The following CADM2 variants were observed in gnomAD, a reference collection of about 807,000 sequenced individuals.
The protein encoded by CADM2 is immunoglobulin superfamily member 4D.
Under a neutral mutation model 49.8 loss-of-function variants are expected in CADM2, and 12 were observed. That is an observed-to-expected ratio of 0.24 (90% confidence interval 0.15 to 0.39). The LOEUF (loss-of-function observed/expected upper bound fraction) is 0.39. Among genes scored for constraint, CADM2 ranks in the 10% least tolerant of loss-of-function variants. The pLI is 1.00. For synonymous variants in CADM2, 214 were observed against 175.4 expected (o/e 1.22, Z -1.74); for missense variants, 378 against 492.3 (o/e 0.77, Z 2.20).
chr3:85,862,409 GA>G (rs1159733603), intron 3 of CADM2, among the ~76,000 whole-genome samples: 1 of 152,064 alleles, frequency 6.6e-6, no homozygotes, highest in Non-Finnish European at 1.5e-5. Flanking sequence ...CCATTGAAAT[GA>G]AAATCTTAGG....
At chr3:84,975,381 T>G (rs981768395) in intron 1 of CADM2, among the ~76,000 whole-genome samples, 4 of 151,792 alleles carry the variant, frequency 2.6e-5, no homozygotes, top group Non-Finnish European at 5.9e-5. Context: ...TATAAGGGAT[T>G]GCATTTTTTT....
chr3:85,470,176 T>G (rs1057145505), intron 1 of CADM2, among the ~76,000 whole-genome samples: 2 of 152,202 alleles, frequency 1.3e-5, no homozygotes, highest in Non-Finnish European at 2.9e-5. Flanking sequence ...TAACAGTGCT[T>G]TTGGAGAACT....
intron 8 of CADM2, among the ~76,000 whole-genome samples, chr3:86,046,623 G>C (rs1464849586): frequency 1.3e-5 from 2 of 152,056 alleles, no homozygotes; most frequent in African/African-American, 2.4e-5. Flanking sequence ...CCAAGCTCAA[G>C]AAATGTCAGT....
chr3:85,920,273 A>G (rs1392753090), intron 6 of CADM2, among the ~76,000 whole-genome samples: 1 of 151,892 alleles, frequency 6.6e-6, no homozygotes. Flanking sequence ...CACAAATTAT[A>G]TATAGCATAA....
intron 3 of CADM2, among the ~76,000 whole-genome samples, chr3:85,830,726 A>C (rs2074145308): frequency 6.6e-6 from 1 of 151,456 alleles, no homozygotes; most frequent in Non-Finnish European, 1.5e-5. Flanking sequence ...TTTGCATGCT[A>C]ATATCCAGTT....
At chr3:85,444,291 T>A (rs2037344801) in intron 1 of CADM2, among the ~76,000 whole-genome samples, 1 of 152,100 alleles carries the variant, frequency 6.6e-6, no homozygotes, top group African/African-American at 2.4e-5. Flanking sequence ...AGTAACTTGT[T>A]TCCTTGCTTA....
At chr3:85,406,385 G>A (rs994501560) in intron 1 of CADM2, among the ~76,000 whole-genome samples, 26 of 151,938 alleles carry the variant, frequency 1.7e-4, no homozygotes, top group Admixed American at 3.3e-4. Context: ...TTACAGAGCC[G>A]TTGCTATACA....
intron 1 of CADM2, among the ~76,000 whole-genome samples, chr3:85,085,438 A>G (rs747156245): frequency 3.9e-5 from 6 of 151,952 alleles, no homozygotes; most frequent in Non-Finnish European, 7.4e-5. Flanking sequence ...ATATATGTAT[A>G]TGTATTACAT....
At chr3:86,000,469 T>C (rs1379911383) in intron 8 of CADM2, among the ~76,000 whole-genome samples, 3 of 152,136 alleles carry the variant, frequency 2.0e-5, no homozygotes, top group Non-Finnish European at 2.9e-5. Context: ...AATGTTTTTA[T>C]AGGAAGGTGA....
At chr3:85,819,380 C>T (rs903765270) in intron 3 of CADM2, among the ~76,000 whole-genome samples, 5 of 152,098 alleles carry the variant, frequency 3.3e-5, no homozygotes, top group African/African-American at 1.2e-4. Flanking sequence ...TTGCATCCTT[C>T]AATCCAATCA....
chr3:85,175,795 G>A (rs1235010065), intron 1 of CADM2, among the ~76,000 whole-genome samples: 2 of 151,120 alleles, frequency 1.3e-5, no homozygotes, highest in Non-Finnish European at 2.9e-5. Flanking sequence ...ATTGTTTAAT[G>A]AAATAATGAA....
At chr3:85,053,261 C>A (rs889980645) in intron 1 of CADM2, among the ~76,000 whole-genome samples, 5 of 151,980 alleles carry the variant, frequency 3.3e-5, no homozygotes, top group Non-Finnish European at 7.4e-5. Flanking sequence ...GTAATGGGAA[C>A]TTTGGATGAA....
At position 84,959,248 on chromosome 3, in the gene CADM2, C is replaced by A; in HGVS notation, c.-360C>A. 2.5e-6 allele frequency: 1 copy of A among 398,034 alleles called. No homozygotes were observed. The highest frequency in any genetic ancestry group is 4.6e-6 in the Non-Finnish European group (1 of 217,356). The allele number at this position is 398,034 out of a possible 1,614,324, so 24.7% of individuals were successfully genotyped here. ...GCCCTCGCCCGCACCTTCTCCAACACCCCGGCATCCCTGCACCACCTGCTC... is the reference window on the plus strand; with the variant it reads ...GCCCTCGCCCGCACCTTCTCCAACAACCCGGCATCCCTGCACCACCTGCTC... On this transcript the variant is annotated 5_prime_UTR_variant, in exon 1 of 10. Transcript: ENST00000383699.
chr3:85,988,921 C>G (rs1008020262), intron 8 of CADM2, among the ~76,000 whole-genome samples: 24 of 152,134 alleles, frequency 1.6e-4, no homozygotes, highest in African/African-American at 5.8e-4. Context: ...GAAATTACAT[C>G]AGAGTCATTG....
chr3:85,626,952 G>T (rs1160818266), intron 1 of CADM2, among the ~76,000 whole-genome samples: 3 of 152,016 alleles, frequency 2.0e-5, no homozygotes, highest in Non-Finnish European at 4.4e-5. Context: ...CAAATAGTTT[G>T]CAGAGACTAC....
At chr3:85,532,876 T>C (rs62252506) in intron 1 of CADM2, among the ~76,000 whole-genome samples, 77,904 of 151,856 alleles carry the variant, frequency 0.51, 23,055 homozygotes, top group East Asian at 0.85. Flanking sequence ...GAGCTGGAGG[T>C]CATTATCCTT....
intron 1 of CADM2, among the ~76,000 whole-genome samples, chr3:85,085,840 G>C (rs1164938443): frequency 6.6e-6 from 1 of 151,984 alleles, no homozygotes; most frequent in Non-Finnish European, 1.5e-5. Flanking sequence ...CTTATGCCTT[G>C]CTTTTTTTTC....
chr3:85,877,057 G>C (rs1428279649), intron 3 of CADM2, among the ~76,000 whole-genome samples: 1 of 152,070 alleles, frequency 6.6e-6, no homozygotes, highest in Non-Finnish European at 1.5e-5. Flanking sequence ...TCATATAGTA[G>C]AGTGTTATAT....
Position 85,482,318 on chromosome 3 carries a change from T to C in CADM2, c.62-244204T>C, listed in dbSNP as rs1016936677. On this transcript the variant is annotated intron_variant, in intron 1 of 9. Coordinates refer to ENST00000383699, the MANE Select transcript of CADM2 (RefSeq NM_001167675.2). ...TTTAATAAAACAGTTTGGGTTTATT[T>C]TGGTGACAGTTGTATTTCTAAGCAT... is the stretch of plus-strand genomic sequence containing the variant. Among the ~76,000 whole-genome samples the C allele has an allele frequency of 3.3e-5, 5 of 151,748 alleles. No homozygotes were observed. The Admixed American group carries it at 3.3e-4, about 10-fold the overall frequency.
Sources: gnomAD v4.1 joint callset for allele counts (sites outside exome capture counted in the v4.1 genomes callset) on GRCh38, gnomAD v4.1.1 for gene constraint, MANE v1.5 for transcripts, NCBI Gene and HGNC (gene_info 2026-07-23, HGNC 2026-07-21) for gene names.